Variants in TYW1B observed in about 807,000 individuals in gnomAD.
The protein encoded by TYW1B is tRNA-yW synthesizing protein 1 homolog B.
TYW1B carries 73 observed loss-of-function variants against 86.9 expected under a neutral mutation model. That is an observed-to-expected ratio of 0.84 (90% CI 0.70 to 1.02). The LOEUF is 1.02. TYW1B is among the 50% of genes least tolerant of loss of function. The pLI, the probability that TYW1B is intolerant of heterozygous loss-of-function variation, is 0.00. For missense variants in TYW1B, 637 were observed against 827.4 expected (o/e 0.77, Z 2.82); for synonymous variants, 248 against 292.8 (o/e 0.85, Z 1.56).
chr7:72,692,205 C>CAAAAAAA (rs1168197742), intron 11 of TYW1B, among the ~76,000 whole-genome samples: 35 of 62,742 alleles, frequency 5.6e-4, no homozygotes, highest in African/African-American at 8.8e-4. Context: ...GACTCCATCT[C>CAAAAAAA]AAAAAAAAAA....
Position 72,661,578 on chromosome 7 carries a change from T to C in TYW1B, c.1507-32581A>G, listed in dbSNP as rs555863870. Among the ~76,000 whole-genome samples the C allele has an allele frequency of 5.3e-3, 790 of 148,060 alleles. 7 individuals are homozygous for C. Among genetic ancestry groups the C allele is most frequent in the African/African-American group, 0.019 (763 of 40,632 alleles). ...CATTACTAATTAAAGGTGTATAAAA[T>C]GTTACTAATATTCTCTATTCAACAT... On this transcript the variant is annotated intron_variant, in intron 11 of 13. Transcript: ENST00000620995.
intron 2 of TYW1B, among the ~76,000 whole-genome samples, chr7:72,816,458 A>T (rs1788725133): frequency 6.6e-6 from 1 of 152,228 alleles, no homozygotes; most frequent in Admixed American, 6.5e-5. Context: ...CAGACAGGAA[A>T]AAGCCCTAGG....
chr7:72,604,402 C>T (rs1269579235), intron 13 of TYW1B, among the ~76,000 whole-genome samples: 9 of 152,090 alleles, frequency 5.9e-5, no homozygotes, highest in African/African-American at 2.2e-4. Flanking sequence ...ATGGAGGTTG[C>T]AGCGAGCTGA....
intron 11 of TYW1B, among the ~76,000 whole-genome samples, chr7:72,643,343 T>C (rs1421557618): frequency 1.3e-5 from 2 of 152,154 alleles, no homozygotes; most frequent in Admixed American, 1.3e-4. Flanking sequence ...TCCCAGCAGT[T>C]TGGGAGGCCG....
chr7:72,593,771 G>A (rs574105212), intron 13 of TYW1B, among the ~76,000 whole-genome samples: 6 of 139,752 alleles, frequency 4.3e-5, no homozygotes, highest in Non-Finnish European at 7.6e-5. Flanking sequence ...GCAGTGAGCT[G>A]AGATCACGCC....
chr7:72,722,396 C>T (rs2844089), intron 9 of TYW1B, among the ~76,000 whole-genome samples: 8 of 152,182 alleles, frequency 5.3e-5, no homozygotes, highest in East Asian at 1.9e-4. Context: ...GAGTGGAAAA[C>T]TGAGCTAAAG....
At position 72,622,696 on chromosome 7, in the gene TYW1B, C is replaced by T. The variant is rs147017464; in HGVS notation, c.1618-5857G>A. ...TACACATAACACATACACATGCACA[C>T]AACACACACATGCACACACACAACA... On this transcript the variant is annotated intron_variant, in intron 12 of 13. Transcript: ENST00000620995. Among the ~76,000 whole-genome samples the T allele has an allele frequency of 2.2e-3, 327 of 149,132 alleles. 3 individuals are homozygous for T. Among genetic ancestry groups the T allele is most frequent in the African/African-American group, 7.7e-3 (301 of 38,894 alleles).
chr7:72,711,236 C>T (rs111700868), intron 10 of TYW1B, among the ~76,000 whole-genome samples: 3 of 150,816 alleles, frequency 2.0e-5, no homozygotes, highest in African/African-American at 7.5e-5. Context: ...ATGCCTGCCG[C>T]GCAGAAAGAT....
At chr7:72,609,957 C>G (rs534043948) in intron 13 of TYW1B, among the ~76,000 whole-genome samples, 31 of 152,282 alleles carry the variant, frequency 2.0e-4, no homozygotes, top group African/African-American at 7.2e-4. Flanking sequence ...GAACAGAGTA[C>G]TCACTGGGAC....
At chr7:72,630,490 G>A (rs1585861259) in intron 11 of TYW1B, among the ~76,000 whole-genome samples, 1 of 150,868 alleles carries the variant, frequency 6.6e-6, no homozygotes, top group East Asian at 1.9e-4. Flanking sequence ...AAGTAGCAAT[G>A]CTCAAAATAC....
chr7:72,577,079 A>G lies in TYW1B; in HGVS notation c.1786-1360T>C, dbSNP rs562793792. Among the ~76,000 whole-genome samples, 4 of 152,042 alleles carry G rather than the reference A, an allele frequency of 2.6e-5. No homozygotes were observed. In the South Asian group the frequency reaches 8.3e-4, roughly 32 times the overall value. ...GAGGTGGAGGTTGCAGTGAGCCAAG[A>G]CCATGCCACTGCACTCTAGCCTCAG... On this transcript the variant is annotated intron_variant, in intron 13 of 13. Coordinates refer to ENST00000620995, the MANE Select transcript of TYW1B (RefSeq NM_001145440.3).
In TYW1B at chr7:72,575,129, G is replaced by A. The variant is rs1554428211; in HGVS notation, c.*369C>T. 2.8e-6 allele frequency: 3 copies of A among 1,060,280 alleles called. No individual in the cohort carries two copies. The African/African-American group carries it at 5.0e-5, about 18-fold the overall frequency. The allele number at this position is 1,060,280 out of a possible 1,614,324, so 65.7% of individuals were successfully genotyped here. On this transcript the variant is annotated 3_prime_UTR_variant, in exon 14 of 14. Transcript: ENST00000620995. ...CATGAAATCCAAGGGCCAGGTGAGG[G>A]GAAGAGGCCCAGGGATTTCTTCCTT...
chr7:72,583,307 G>T (rs1811200501), intron 13 of TYW1B, among the ~76,000 whole-genome samples: 1 of 152,184 alleles, frequency 6.6e-6, no homozygotes, highest in Non-Finnish European at 1.5e-5. Flanking sequence ...CCGAGATCGT[G>T]CCACTGCACT....
intron 13 of TYW1B, among the ~76,000 whole-genome samples, chr7:72,586,110 G>T (rs1563019467): frequency 6.6e-6 from 1 of 152,202 alleles, no homozygotes; most frequent in South Asian, 2.1e-4. Flanking sequence ...TATTATAGCA[G>T]GAGGACACAC....
At chr7:72,783,052 C>T (rs1199838813) in intron 6 of TYW1B, among the ~76,000 whole-genome samples, 1 of 152,144 alleles carries the variant, frequency 6.6e-6, no homozygotes, top group Non-Finnish European at 1.5e-5. Context: ...TAGACCCAGA[C>T]ATTTAGACCA....
chr7:72,826,367 A>C (rs1341856801), intron 2 of TYW1B, among the ~76,000 whole-genome samples: 4 of 152,290 alleles, frequency 2.6e-5, no homozygotes, highest in South Asian at 2.1e-4. Flanking sequence ...TTTCTCTTAA[A>C]TCTTTCTGGT....
Position 72,688,706 on chromosome 7 carries a change from G to A in TYW1B, c.1506+5981C>T, listed in dbSNP as rs1483020138. On this transcript the variant is annotated intron_variant, in intron 11 of 13. Transcript: ENST00000620995. ...TCCGTTGCTAAAGAGATGACTTTCC[G>A]ATCTACCCCGGTATTCCTTCCCCAA... 5.3e-5 allele frequency among the ~76,000 whole-genome samples: 8 copies of A among 152,064 alleles called. No individual in the cohort carries two copies. The East Asian group carries it at 5.8e-4, about 11-fold the overall frequency.
At chr7:72,683,237 T>C (rs1266358609) in intron 11 of TYW1B, among the ~76,000 whole-genome samples, 1 of 152,104 alleles carries the variant, frequency 6.6e-6, no homozygotes. Context: ...TGAGAAGTAT[T>C]TGTGAAGTTC....
At chr7:72,686,832 C>G (rs1554449527) in intron 11 of TYW1B, among the ~76,000 whole-genome samples, 3 of 151,736 alleles carry the variant, frequency 2.0e-5, no homozygotes, top group African/African-American at 7.3e-5. Context: ...ATCTCTGAAC[C>G]CTCTGCTCAA....
Sources: allele counts gnomAD v4.1 joint callset (sites outside exome capture counted in the v4.1 genomes callset), GRCh38; gene constraint gnomAD v4.1.1; transcripts MANE v1.5; gene names NCBI Gene and HGNC (gene_info 2026-07-23, HGNC 2026-07-21).